ADAM20: variants seen among roughly 807,000 people sequenced by gnomAD.
ADAM20 encodes the protein disintegrin and metalloproteinase domain-containing protein 20.
For missense variants in ADAM20, 871 were observed against 883.2 expected, an observed-to-expected ratio of 0.99 and a Z score of 0.18; for synonymous variants, 305 against 310.2, an observed-to-expected ratio of 0.98 and a Z score of 0.18.
In ADAM20 at chr14:70,524,107, A is replaced by G; in HGVS notation, c.651T>C (p.Asn217=). The G allele has an allele frequency of 6.2e-7, 1 of 1,613,884 alleles. No individual in the cohort carries two copies. The highest frequency in any genetic ancestry group is 1.3e-5 in the African/African-American group (1 of 75,028). ...RFVELVVVVD[N]IRYLFSQSNA... The stretch of plus-strand genomic sequence containing the variant: ...TACTTTGAGAGAAAAGATATCTAAT[A>G]TTATCCACGACCACTACCAGCTCAA... Residue 217 remains asparagine (N), a synonymous_variant, in exon 2 of 2, where the codon AAT becomes AAC. Coordinates refer to ENST00000256389, the MANE Select transcript of ADAM20 (RefSeq NM_003814.5).
At position 70,523,773 on chromosome 14, in the gene ADAM20, C is replaced by T; in HGVS notation, c.985G>A (p.Glu329Lys). The T allele has an allele frequency of 6.2e-7, 1 of 1,614,024 alleles. No homozygotes were observed. Among genetic ancestry groups the T allele is most frequent in the Non-Finnish European group, 8.5e-7 (1 of 1,179,960 alleles). ...NPFNTGVDVF[E>K]DNRLVVFAIT... Reference sequence around the variant, plus strand: ...GCAAAAACGACCAACCTGTTGTCTTCAAAAACATCAACTCCAGTATTAAAA... The same window carrying T: ...GCAAAAACGACCAACCTGTTGTCTTTAAAAACATCAACTCCAGTATTAAAA... Residue 329 changes from glutamate to lysine, a missense_variant, in exon 2 of 2, where the codon GAA becomes AAA. Physicochemically the swap from Glu to Lys is moderately conservative, Grantham distance 56. Transcript: ENST00000256389.
chr14:70,524,050 G>A lies in ADAM20; in HGVS notation c.708C>T (p.Asn236=), dbSNP rs774760166. The part of the protein sequence containing the change: ...NATTVQHEVF[N]VVNIVDSFYH... ...AGAAGGAATCCACTATATTGACAACGTTAAATACTTCATGCTGCACTGTTG... is the reference window on the plus strand; with the variant it reads ...AGAAGGAATCCACTATATTGACAACATTAAATACTTCATGCTGCACTGTTG... The change falls in exon 2 of 2, where the codon AAC becomes AAT. Residue 236 remains asparagine, a synonymous_variant. Transcript: ENST00000256389. The A allele has an allele frequency of 8.7e-6, 14 of 1,613,896 alleles. No individual in the cohort carries two copies. The highest frequency in any genetic ancestry group is 5.5e-5 in the South Asian group (5 of 91,062).
At chr14:70,538,223 C>T (rs1280334116), upstream of ADAM20, among the ~76,000 whole-genome samples, 1 of 152,158 alleles carries the variant, frequency 6.6e-6, no homozygotes, top group East Asian at 1.9e-4. Context: ...ACCATCTCTG[C>T]TATTCTCTGT....
At position 70,524,712 on chromosome 14, in the gene ADAM20, G is replaced by A. The variant is rs965014835; in HGVS notation, c.46C>T (p.Leu16=). Residue 16 remains leucine, a synonymous_variant, in exon 2 of 2, where the codon CTG becomes TTG. Transcript: ENST00000256389. The part of the protein sequence containing the change: ...PLVHIRVTLL[L]LWFGMFLSIS... ...GACAAAAACATCCCAAACCAGAGCA[G>A]CAGAAGAGTGACCCTGATGTGCACC... 1.2e-6 allele frequency: 2 copies of A among 1,613,998 alleles called. No homozygotes were observed. The highest frequency in any genetic ancestry group is 2.7e-5 in the African/African-American group (2 of 75,048).
chr14:70,558,550 AG>A, the ADAM20 span, among the ~76,000 whole-genome samples: 1 of 152,070 alleles, frequency 6.6e-6, no homozygotes, highest in Non-Finnish European at 1.5e-5. Context: ...CTGCCCTCAG[AG>A]TTGCTCATTG....
chr14:70,526,450 G>A (rs143360506), intron 1 of ADAM20, among the ~76,000 whole-genome samples: 1 of 152,270 alleles, frequency 6.6e-6, no homozygotes, highest in African/African-American at 2.4e-5. Context: ...TCCCAATTTA[G>A]ATTTCCTCTC....
the ADAM20 span, among the ~76,000 whole-genome samples, chr14:70,557,764 T>G: frequency 6.7e-6 from 1 of 149,374 alleles, no homozygotes; most frequent in Non-Finnish European, 1.5e-5. Context: ...TTTTTTTTTT[T>G]GCAATTTTTT....
At chr14:70,526,015 A>G (rs1472969252) in intron 1 of ADAM20, among the ~76,000 whole-genome samples, 1 of 152,174 alleles carries the variant, frequency 6.6e-6, no homozygotes, top group Non-Finnish European at 1.5e-5. Context: ...TTCAATCTCA[A>G]TGTTCCAAAG....
In ADAM20 at chr14:70,523,892, T is replaced by C; in HGVS notation, c.866A>G (p.Asn289Ser). Residue 289 changes from asparagine (N) to serine (S), a missense_variant, in exon 2 of 2, where the codon AAT becomes AGT. Asn to Ser is a conservative substitution (Grantham distance 46). Coordinates refer to ENST00000256389, the MANE Select transcript of ADAM20 (RefSeq NM_003814.5). ...FSIWKNYNLNNRLQHDVAHLF... is the reference protein window; with the variant it reads ...FSIWKNYNLNSRLQHDVAHLF... Reference sequence around the variant, plus strand: ...ATGTGCAACATCATGTTGTAGTCGATTATTAAGGTTATAATTCTTCCAAAT... The same window carrying C: ...ATGTGCAACATCATGTTGTAGTCGACTATTAAGGTTATAATTCTTCCAAAT... The C allele has an allele frequency of 6.2e-7, 1 of 1,613,988 alleles. No homozygotes were observed. Among genetic ancestry groups the C allele is most frequent in the Non-Finnish European group, 8.5e-7 (1 of 1,179,944 alleles).
the ADAM20 span, among the ~76,000 whole-genome samples, chr14:70,557,795 G>A: frequency 1.3e-5 from 2 of 151,530 alleles, no homozygotes; most frequent in Non-Finnish European, 2.9e-5. Flanking sequence ...GCTATTGTTA[G>A]TGTATTTTAT....
At chr14:70,557,620 G>C in the ADAM20 span, 2 of 152,244 alleles carry the variant, frequency 1.3e-5, no homozygotes, top group Non-Finnish European at 2.9e-5. Context: ...TTTTTGGAAA[G>C]AGAAGATAGT....
In ADAM20 at chr14:70,524,776, G is replaced by C; in HGVS notation, c.-19C>G. The C allele has an allele frequency of 1.9e-6, 3 of 1,613,838 alleles. No homozygotes were observed. The highest frequency in any genetic ancestry group is 2.5e-6 in the Non-Finnish European group (3 of 1,179,946). ...CTGCCATTATGAAGCTGTCATTATG[G>C]AGCCATCTGTCTAGAGCAGAAGAGA... On this transcript the variant is annotated 5_prime_UTR_variant, in exon 2 of 2. Coordinates refer to ENST00000256389, the MANE Select transcript of ADAM20 (RefSeq NM_003814.5).
At chr14:70,561,690 C>T in the ADAM20 span, among the ~76,000 whole-genome samples, 91 of 152,372 alleles carry the variant, frequency 6.0e-4, 2 homozygotes, top group Admixed American at 4.6e-4. Context: ...CCCAGCCATT[C>T]CAGCTCCAGC....
At chr14:70,542,444 C>T in the ADAM20 span, among the ~76,000 whole-genome samples, 1 of 152,166 alleles carries the variant, frequency 6.6e-6, no homozygotes, top group African/African-American at 2.4e-5. Flanking sequence ...TACACAGTCC[C>T]TGTACAGGGT....
At chr14:70,558,227 A>G in the ADAM20 span, among the ~76,000 whole-genome samples, 16,688 of 152,230 alleles carry the variant, frequency 0.11, 1,368 homozygotes, top group East Asian at 0.49. Flanking sequence ...AAAAATTATA[A>G]AGAGATATAA....
upstream of ADAM20, among the ~76,000 whole-genome samples, chr14:70,536,122 C>CA (rs2139544658): frequency 6.6e-6 from 1 of 151,976 alleles, no homozygotes; most frequent in East Asian, 1.9e-4. Flanking sequence ...GGACATATAC[C>CA]AAAATACATA....
the ADAM20 span, among the ~76,000 whole-genome samples, chr14:70,573,931 A>C: frequency 6.6e-6 from 1 of 152,252 alleles, no homozygotes; most frequent in East Asian, 1.9e-4. Flanking sequence ...AACAGATTTC[A>C]GTAGCCCACT....
the ADAM20 span, among the ~76,000 whole-genome samples, chr14:70,542,416 C>T: frequency 6.6e-6 from 1 of 152,176 alleles, no homozygotes; most frequent in Non-Finnish European, 1.5e-5. Flanking sequence ...CCTTTGGAAA[C>T]TGGCCTCATA....
rs1334882181 is a variant in ADAM20, at chr14:70,526,124, C to T, written c.-176-1191G>A. ...TTAAAAACCTCATTACTGTTGAAAA[C>T]AAATTTTGGCTCAAGTAAAAGCTAA... is the stretch of plus-strand genomic sequence containing the variant. On this transcript the variant is annotated intron_variant, in intron 1 of 1. Coordinates refer to ENST00000256389, the MANE Select transcript of ADAM20 (RefSeq NM_003814.5). Among the ~76,000 whole-genome samples, 3 of 152,188 alleles carry T rather than the reference C, an allele frequency of 2.0e-5. No individual in the cohort carries two copies. The East Asian group carries it at 5.8e-4, about 29-fold the overall frequency.
Sources: gnomAD v4.1 joint callset for allele counts (sites outside exome capture counted in the v4.1 genomes callset) on GRCh38, gnomAD v4.1.1 for gene constraint, MANE v1.5 for transcripts, NCBI Gene and HGNC (gene_info 2026-07-23, HGNC 2026-07-21) for gene names.